ASIC4: variants seen among roughly 807,000 people sequenced by gnomAD.
ASIC4 encodes acid-sensing ion channel 4.
In ASIC4, 28 loss-of-function variants were observed where a neutral mutation model predicts 53.4. That is an observed-to-expected ratio of 0.52 (90% CI 0.39 to 0.72). The LOEUF (loss-of-function observed/expected upper bound fraction) is 0.72. ASIC4 is among the 30% of genes least tolerant of loss of function. The pLI is 0.00. For synonymous variants in ASIC4, 289 were observed against 301.4 expected (o/e 0.96, Z 0.43); for missense variants, 649 against 729.7 (o/e 0.89, Z 1.27).
chr2:219,526,414 AAG>A (rs1694962693), intron 1 of ASIC4, among the ~76,000 whole-genome samples: 1 of 152,166 alleles, frequency 6.6e-6, no homozygotes, highest in Non-Finnish European at 1.5e-5. Context: ...CAGCCAGACT[AAG>A]GGATGGATAG....
At chr2:219,507,555 C>T in the ASIC4 span, among the ~76,000 whole-genome samples, 2 of 152,030 alleles carry the variant, frequency 1.3e-5, no homozygotes. Context: ...TGGGAGGTAC[C>T]CTGTTCTGGG....
intron 1 of ASIC4, 145 bp downstream of exon 1, chr2:219,515,451 C>G (rs2125652953): frequency 1.7e-6 from 2 of 1,171,900 alleles, no homozygotes; most frequent in African/African-American, 1.5e-5. Flanking sequence ...TTTCCCCAAG[C>G]CTGGCGTCTC....
Position 219,538,698 on chromosome 2 carries a change from C to G in ASIC4, c.*652C>G, listed in dbSNP as rs1479264011. The G allele has an allele frequency of 1.3e-5, 2 of 155,242 alleles. No individual in the cohort carries two copies. The highest frequency in any genetic ancestry group is 4.8e-5 in the African/African-American group (2 of 41,474). The allele number at this position is 155,242 out of a possible 1,614,324, so 9.6% of individuals were successfully genotyped here. ...CTGAGCTTGGAGGGTGGGAAGGGAG[C>G]CTTCTCAGTCCTCTCTCCCTCCAGT... is the stretch of plus-strand genomic sequence containing the variant. On this transcript the variant is annotated 3_prime_UTR_variant, in exon 10 of 10. Transcript: ENST00000358078.
intron 5 of ASIC4, among the ~76,000 whole-genome samples, chr2:219,534,668 C>T (rs980392733): frequency 1.3e-5 from 2 of 152,160 alleles, no homozygotes; most frequent in Non-Finnish European, 2.9e-5. Context: ...GAGAGTGGAT[C>T]TGAAGGGGCA....
chr2:219,509,915 C>CCA (rs1378220699), upstream of ASIC4, among the ~76,000 whole-genome samples: 2 of 152,098 alleles, frequency 1.3e-5, no homozygotes, highest in Non-Finnish European at 2.9e-5. This position sits in a 1 kb window ranked among gnomAD's most constrained non-coding sequence, Gnocchi z 5.2. Context: ...TTGGCCCCTG[C>CCA]CACTGCCCCC....
At chr2:219,527,350 C>A (rs1319057611) in intron 1 of ASIC4, among the ~76,000 whole-genome samples, 1 of 152,262 alleles carries the variant, frequency 6.6e-6, no homozygotes, top group Non-Finnish European at 1.5e-5. Context: ...ACAACTTCCA[C>A]CCATCTCCCT....
intron 5 of ASIC4, 151 bp from the exon 6 acceptor site, chr2:219,535,020 C>A: frequency 8.5e-7 from 1 of 1,182,086 alleles, no homozygotes; most frequent in Non-Finnish European, 1.2e-6. Context: ...TGCAGCCAGT[C>A]CCCTCTAGGA....
rs372949035 is a variant in ASIC4 at position 219,530,198 on chromosome 2, A to T, written c.583-1560A>T. On this transcript the variant is annotated intron_variant, in intron 1 of 9. Transcript: ENST00000358078. ...GTGCTGCCTGTGATGGGTTTGACCCAGGGGCTCGGCTCTGTTAGGGAAGCC... is the reference window on the plus strand; with the variant it reads ...GTGCTGCCTGTGATGGGTTTGACCCTGGGGCTCGGCTCTGTTAGGGAAGCC... Among the ~76,000 whole-genome samples, 5 of 152,308 alleles carry T rather than the reference A, an allele frequency of 3.3e-5. No individual in the cohort carries two copies. The East Asian group carries it at 7.7e-4, about 24-fold the overall frequency.
chr2:219,513,046 C>T (rs942442428), upstream of ASIC4, among the ~76,000 whole-genome samples: 1 of 152,174 alleles, frequency 6.6e-6, no homozygotes, highest in African/African-American at 2.4e-5. Context: ...ACGCAGGGGG[C>T]GGGGTGGCCG....
chr2:219,522,356 G>C lies in ASIC4; in HGVS notation c.582+7050G>C, dbSNP rs566860926. On this transcript the variant is annotated intron_variant, in intron 1 of 9. Transcript: ENST00000358078. ...GTGTGGAAGGTGTAAATACCAAACG[G>C]GGGGAGGGGAGGCGGCTCGGCGGGC... is the stretch of plus-strand genomic sequence containing the variant. Among the ~76,000 whole-genome samples the C allele has an allele frequency of 8.5e-5, 13 of 152,144 alleles. No individual in the cohort carries two copies. The South Asian group carries it at 2.7e-3, about 32-fold the overall frequency.
chr2:219,507,204 C>A, the ASIC4 span, among the ~76,000 whole-genome samples: 1 of 152,196 alleles, frequency 6.6e-6, no homozygotes, highest in Non-Finnish European at 1.5e-5. Flanking sequence ...CCTGGTCCCC[C>A]CCTTCACCCC....
upstream of ASIC4, chr2:219,514,477 C>A: frequency 6.4e-7 from 1 of 1,550,516 alleles, no homozygotes; most frequent in Non-Finnish European, 8.7e-7. Context: ...CACAAGGAGA[C>A]GATCGAGGAG....
chr2:219,537,724 G>A lies in ASIC4; in HGVS notation c.1494G>A (p.Glu498=). 6.2e-7 allele frequency: 1 copy of A among 1,613,608 alleles called. No individual in the cohort carries two copies. The highest frequency in any genetic ancestry group is 1.3e-5 in the African/African-American group (1 of 75,040). ...GCATCTCCACTTTGGGGCTTCAGGA[G>A]CTGAAGGAACAGGTGAGGACAAGCT... ...TGGISTLGLQ[E]LKEQSPCPSR... is the part of the protein sequence containing the mutation. Residue 498 remains glutamate (E), a synonymous_variant, in exon 9 of 10, where the codon GAG becomes GAA. Coordinates refer to ENST00000358078, the MANE Select transcript of ASIC4 (RefSeq NM_018674.6). The surrounding 1 kb of genome is among the most constrained non-coding windows in gnomAD (Gnocchi z 4.9).
chr2:219,507,135 C>T, the ASIC4 span: 2 of 300,480 alleles, frequency 6.7e-6, no homozygotes, highest in South Asian at 8.6e-5. Flanking sequence ...AAATCTCCCC[C>T]TCCCACTGCC....
At chr2:219,535,765 TCTC>T (rs1224572024) in intron 6 of ASIC4, among the ~76,000 whole-genome samples, 2 of 148,630 alleles carry the variant, frequency 1.3e-5, no homozygotes, top group African/African-American at 5.0e-5. Flanking sequence ...GCTCTATTCT[TCTC>T]CTTCTTTTTT....
At chr2:219,520,204 A>T (rs2125658339) in intron 1 of ASIC4, among the ~76,000 whole-genome samples, 1 of 151,724 alleles carries the variant, frequency 6.6e-6, no homozygotes, top group Admixed American at 6.6e-5. Flanking sequence ...GACTGCCATG[A>T]CTATTAATCA....
At position 219,536,947 on chromosome 2, in the gene ASIC4, G is replaced by A. The variant is rs1197900726; in HGVS notation, c.1230-119G>A. 3 of 823,656 alleles carry A rather than the reference G, an allele frequency of 3.6e-6. No homozygotes were observed. The highest frequency in any genetic ancestry group is 3.4e-5 in the African/African-American group (2 of 59,506). The allele number at this position is 823,656 out of a possible 1,614,324, so 51.0% of individuals were successfully genotyped here. A position where few individuals can be genotyped will look rare whatever the true frequency, so the allele number is the denominator to read the frequency against. On this transcript the variant is annotated intron_variant, in intron 6 of 9. Coordinates refer to ENST00000358078, the MANE Select transcript of ASIC4 (RefSeq NM_018674.6). This position sits in a 1 kb window ranked among gnomAD's most constrained non-coding sequence, Gnocchi z 4.6. ...CTCACAGCCTTGGGGAGTCCGGGGG[G>A]TAGTCACTGACTTCCCCATGTAGTG...
chr2:219,528,089 C>G (rs1694986999), intron 1 of ASIC4, among the ~76,000 whole-genome samples: 1 of 152,280 alleles, frequency 6.6e-6, no homozygotes, highest in African/African-American at 2.4e-5. Flanking sequence ...ATACGCAAAA[C>G]TGGCTGTGTC....
chr2:219,509,465 G>A (rs1301159764), upstream of ASIC4, among the ~76,000 whole-genome samples: 1 of 152,148 alleles, frequency 6.6e-6, no homozygotes, highest in Non-Finnish European at 1.5e-5. The surrounding 1 kb of genome is among the most constrained non-coding windows in gnomAD (Gnocchi z 5.2). Context: ...GTGCAGAGAC[G>A]GGAGAACTGG....
Sources: allele counts gnomAD v4.1 joint callset (sites outside exome capture counted in the v4.1 genomes callset), GRCh38; gene constraint gnomAD v4.1.1; non-coding constraint Gnocchi (gnomAD v3.1); transcripts MANE v1.5; gene names NCBI Gene and HGNC (gene_info 2026-07-23, HGNC 2026-07-21).